Variants in DENND1B observed in about 807,000 individuals in gnomAD.
DENND1B encodes DENN domain-containing protein 1B.
Under a neutral mutation model 90.1 loss-of-function variants are expected in DENND1B, and 59 were observed. The ratio of observed to expected loss-of-function variants is 0.65; its 90% CI spans 0.53 to 0.81. The LOEUF (loss-of-function observed/expected upper bound fraction) is 0.81, where lower values mean the gene tolerates loss of function less well. DENND1B is among the 40% of genes least tolerant of loss of function. The pLI is 0.00. For synonymous variants in DENND1B, 337 were observed against 324.6 expected, an observed-to-expected ratio of 1.04 and a Z score of -0.41; for missense variants, 862 against 912.6, an observed-to-expected ratio of 0.94 and a Z score of 0.71.
At chr1:197,707,313 C>T (rs1468949802) in intron 3 of DENND1B, among the ~76,000 whole-genome samples, 8 of 151,902 alleles carry the variant, frequency 5.3e-5, no homozygotes, top group Admixed American at 5.3e-4. Context: ...TCCAAAATGA[C>T]AGCTAGATAG....
At chr1:197,649,724 T>C (rs1373775464) in intron 7 of DENND1B, among the ~76,000 whole-genome samples, 1 of 152,136 alleles carries the variant, frequency 6.6e-6, no homozygotes, top group Non-Finnish European at 1.5e-5. Flanking sequence ...CAACTCAAGA[T>C]TGATCAAGGA....
At chr1:197,666,259 A>G (rs370753676) in intron 5 of DENND1B, among the ~76,000 whole-genome samples, 2 of 152,170 alleles carry the variant, frequency 1.3e-5, no homozygotes, top group East Asian at 1.9e-4. Context: ...AGCTTTTTCA[A>G]TTTATGAACT....
At chr1:197,550,033 G>A (rs1189313411) in intron 16 of DENND1B, among the ~76,000 whole-genome samples, 2 of 152,042 alleles carry the variant, frequency 1.3e-5, no homozygotes, top group Non-Finnish European at 2.9e-5. Flanking sequence ...CAAAAATAGT[G>A]TATAAACTAC....
chr1:197,719,010 A>G (rs1204268330), intron 2 of DENND1B, among the ~76,000 whole-genome samples: 2 of 152,234 alleles, frequency 1.3e-5, no homozygotes, highest in African/African-American at 4.8e-5. Flanking sequence ...GAAATCCTCA[A>G]ACAAATGCTG....
chr1:197,723,429 C>T (rs1661361935), intron 2 of DENND1B, among the ~76,000 whole-genome samples: 1 of 152,080 alleles, frequency 6.6e-6, no homozygotes, highest in Non-Finnish European at 1.5e-5. Context: ...AAGGGCCCTT[C>T]ATGAGAGTTT....
chr1:197,521,691 G>A (rs1241679932), intron 20 of DENND1B, among the ~76,000 whole-genome samples: 12 of 152,012 alleles, frequency 7.9e-5, no homozygotes, highest in African/African-American at 2.2e-4. Context: ...ATCTTAAAAT[G>A]CATGGCAGTT....
intron 15 of DENND1B, among the ~76,000 whole-genome samples, chr1:197,576,051 G>C (rs1199050791): frequency 6.6e-6 from 1 of 151,874 alleles, no homozygotes; most frequent in Non-Finnish European, 1.5e-5. Context: ...TGCACATTGT[G>C]CACATGTACC....
intron 15 of DENND1B, among the ~76,000 whole-genome samples, chr1:197,575,280 G>C (rs1413873319): frequency 6.6e-6 from 1 of 151,902 alleles, no homozygotes; most frequent in Non-Finnish European, 1.5e-5. Context: ...AAAAGCATAG[G>C]AACAGACGCT....
chr1:197,757,155 T>C (rs1030049758), intron 2 of DENND1B, among the ~76,000 whole-genome samples: 2 of 152,162 alleles, frequency 1.3e-5, no homozygotes, highest in Admixed American at 1.3e-4. Flanking sequence ...TTATTATCTC[T>C]ATTGATCATC....
At chr1:197,515,266 A>G (rs1253496229) in intron 20 of DENND1B, among the ~76,000 whole-genome samples, 1 of 151,674 alleles carries the variant, frequency 6.6e-6, no homozygotes, top group South Asian at 2.1e-4. Flanking sequence ...GGGATTAGAA[A>G]TGTATCTGGG....
At chr1:197,582,740 TTAAA>T (rs1674351948) in intron 15 of DENND1B, among the ~76,000 whole-genome samples, 1 of 152,220 alleles carries the variant, frequency 6.6e-6, no homozygotes, top group South Asian at 2.1e-4. Context: ...GCTTAAAAAG[TTAAA>T]TATTCATTTT....
At chr1:197,546,629 C>A in intron 17 of DENND1B, 104 bp downstream of exon 17, 1 of 985,030 alleles carries the variant, frequency 1.0e-6, no homozygotes, top group East Asian at 3.0e-5. Flanking sequence ...ACAAACATTT[C>A]AAATATTTCA....
intron 18 of DENND1B, among the ~76,000 whole-genome samples, chr1:197,542,799 C>T (rs1166042020): frequency 6.6e-6 from 1 of 152,076 alleles, no homozygotes; most frequent in East Asian, 1.9e-4. Flanking sequence ...CCCCAAACCT[C>T]CTGATTCAGG....
At chr1:197,770,506 T>A (rs1353435345) in intron 2 of DENND1B, among the ~76,000 whole-genome samples, 2 of 151,674 alleles carry the variant, frequency 1.3e-5, no homozygotes. Flanking sequence ...GGGTGTTATA[T>A]AAGGCAAATT....
At chr1:197,608,197 TTC>T (rs1676863925) in intron 12 of DENND1B, among the ~76,000 whole-genome samples, 1 of 150,616 alleles carries the variant, frequency 6.6e-6, no homozygotes, top group Admixed American at 6.6e-5. Context: ...TAATTAAAAT[TTC>T]TCTGATTCAT....
At chr1:197,609,207 T>C (rs1676965983) in intron 12 of DENND1B, among the ~76,000 whole-genome samples, 1 of 150,680 alleles carries the variant, frequency 6.6e-6, no homozygotes, top group Admixed American at 6.6e-5. Context: ...AGACATAGAC[T>C]GAAATGCTTA....
intron 14 of DENND1B, among the ~76,000 whole-genome samples, chr1:197,591,859 C>G (rs888026618): frequency 1.3e-5 from 2 of 151,940 alleles, no homozygotes; most frequent in Admixed American, 1.3e-4. Flanking sequence ...GCCTGTAATC[C>G]CAGCACTCTG....
At chr1:197,584,774 T>G (rs1414945974) in intron 14 of DENND1B, among the ~76,000 whole-genome samples, 1 of 152,038 alleles carries the variant, frequency 6.6e-6, no homozygotes, top group Non-Finnish European at 1.5e-5. Context: ...TGGGCTCAGG[T>G]GATCCTCCCA....
At chr1:197,543,846 T>C (rs1311595970) in intron 18 of DENND1B, among the ~76,000 whole-genome samples, 1 of 152,176 alleles carries the variant, frequency 6.6e-6, no homozygotes, top group East Asian at 1.9e-4. Context: ...CACATTCATA[T>C]CACAATTTTA....
Sources: gnomAD v4.1 joint callset for allele counts (sites outside exome capture counted in the v4.1 genomes callset) on GRCh38, gnomAD v4.1.1 for gene constraint, MANE v1.5 for transcripts, NCBI Gene and HGNC (gene_info 2026-07-23, HGNC 2026-07-21) for gene names.